EPM2A: variants seen among roughly 807,000 people sequenced by gnomAD.
The protein encoded by EPM2A is laforin.
A neutral mutation model predicts 26.5 loss-of-function variants in EPM2A; 21 were observed. That is an observed-to-expected ratio of 0.79 (90% CI 0.56 to 1.14). The LOEUF (loss-of-function observed/expected upper bound fraction) is 1.14, where lower values mean the gene tolerates loss of function less well. Among genes scored for constraint, EPM2A ranks in the 50% most tolerant of loss-of-function variants. EPM2A has a pLI of 0.00. For missense variants in EPM2A, 458 were observed against 440.8 expected (o/e 1.04, Z -0.35); for synonymous variants, 217 against 177.6 (o/e 1.22, Z -1.76).
chr6:145,603,311 C>G (rs990976527), intron 2 of EPM2A, among the ~76,000 whole-genome samples: 6 of 151,732 alleles, frequency 4.0e-5, no homozygotes, highest in Non-Finnish European at 7.4e-5. Flanking sequence ...AGTAAATGAG[C>G]CTGACCCCTT....
chr6:145,429,728 T>C (rs1192771703), intron 4 of EPM2A, among the ~76,000 whole-genome samples: 1 of 152,242 alleles, frequency 6.6e-6, no homozygotes, highest in East Asian at 1.9e-4. Flanking sequence ...TGATGACTTT[T>C]TTTAAAATTA....
intron 4 of EPM2A, among the ~76,000 whole-genome samples, chr6:145,404,384 T>C (rs1204915372): frequency 6.6e-6 from 1 of 152,106 alleles, no homozygotes; most frequent in East Asian, 1.9e-4. Flanking sequence ...ATACAGGTCT[T>C]TATATACTCG....
intron 2 of EPM2A, among the ~76,000 whole-genome samples, chr6:145,574,021 C>T (rs901063964): frequency 6.6e-6 from 1 of 152,078 alleles, no homozygotes; most frequent in Non-Finnish European, 1.5e-5. Flanking sequence ...CTGGAAGTCT[C>T]CTTGGGGAAG....
chr6:145,425,064 T>C (rs1778835477), intron 4 of EPM2A, among the ~76,000 whole-genome samples: 1 of 151,950 alleles, frequency 6.6e-6, no homozygotes, highest in Non-Finnish European at 1.5e-5. Context: ...ATTGAGATTG[T>C]GTGTGTTTTC....
chr6:145,642,070 G>A (rs1226547269), intron 2 of EPM2A, among the ~76,000 whole-genome samples: 2 of 152,074 alleles, frequency 1.3e-5, no homozygotes, highest in African/African-American at 2.4e-5. Flanking sequence ...TCTATATGCC[G>A]TGTCAATAGA....
chr6:145,646,314 G>A (rs1163720289), intron 2 of EPM2A, among the ~76,000 whole-genome samples: 2 of 151,838 alleles, frequency 1.3e-5, no homozygotes, highest in East Asian at 1.9e-4. Context: ...GTGCCACCAC[G>A]CTTGGCTAAT....
At chr6:145,388,082 T>A (rs1213684598) in intron 4 of EPM2A, among the ~76,000 whole-genome samples, 1 of 152,216 alleles carries the variant, frequency 6.6e-6, no homozygotes, top group African/African-American at 2.4e-5. Context: ...TTTTTAAAAA[T>A]GAAGTAAATA....
At chr6:145,695,095 G>A (rs1173848019) in intron 1 of EPM2A, among the ~76,000 whole-genome samples, 1 of 151,944 alleles carries the variant, frequency 6.6e-6, no homozygotes, top group Non-Finnish European at 1.5e-5. Context: ...AACAACTGTG[G>A]CTTTGATAAA....
chr6:145,578,181 G>A (rs908266346), intron 2 of EPM2A, among the ~76,000 whole-genome samples: 2 of 151,890 alleles, frequency 1.3e-5, no homozygotes, highest in African/African-American at 4.8e-5. Context: ...AGTAGAAGAA[G>A]AGAAATAATA....
At chr6:145,578,660 G>A (rs961182802) in intron 2 of EPM2A, among the ~76,000 whole-genome samples, 1 of 152,152 alleles carries the variant, frequency 6.6e-6, no homozygotes, top group Non-Finnish European at 1.5e-5. Flanking sequence ...TTTAGCAGGA[G>A]GAGAAGTAAA....
chr6:145,435,855 TAGAG>T (rs1176995858), intron 4 of EPM2A, among the ~76,000 whole-genome samples: 1 of 152,174 alleles, frequency 6.6e-6, no homozygotes, highest in Non-Finnish European at 1.5e-5. Context: ...GCTAAAAATA[TAGAG>T]AGTTTTTTAT....
At chr6:145,437,976 C>T (rs1160808948) in intron 4 of EPM2A, among the ~76,000 whole-genome samples, 2 of 152,190 alleles carry the variant, frequency 1.3e-5, no homozygotes, top group Non-Finnish European at 2.9e-5. Context: ...TAGGATAAAA[C>T]ACAAAACTGG....
In EPM2A at chr6:145,715,220, G is replaced by T. The variant is rs1452893451; in HGVS notation, c.301+19978C>A. Among the ~76,000 whole-genome samples the T allele has an allele frequency of 2.6e-5, 4 of 152,270 alleles. No individual in the cohort carries two copies. The East Asian group carries it at 7.7e-4, about 29-fold the overall frequency. ...TCCAGTTCAGGATCAAGGGTGGCCA[G>T]ATTTCATTCCTGCAAGTGCTAGACA... is the stretch of plus-strand genomic sequence containing the variant. On this transcript the variant is annotated intron_variant, in intron 1 of 3. Transcript: ENST00000367519.
At chr6:145,653,587 T>C (rs1778048419) in intron 2 of EPM2A, among the ~76,000 whole-genome samples, 1 of 152,212 alleles carries the variant, frequency 6.6e-6, no homozygotes, top group African/African-American at 2.4e-5. Flanking sequence ...TGCATATGTA[T>C]ATTAGGAAAA....
At chr6:145,495,665 C>T (rs537440496) in intron 4 of EPM2A, among the ~76,000 whole-genome samples, 1 of 152,306 alleles carries the variant, frequency 6.6e-6, no homozygotes, top group South Asian at 2.1e-4. Context: ...GCAACCTCCA[C>T]CTCCTGGGTT....
At chr6:145,581,883 G>A (rs1260299823) in intron 2 of EPM2A, among the ~76,000 whole-genome samples, 1 of 152,186 alleles carries the variant, frequency 6.6e-6, no homozygotes, top group African/African-American at 2.4e-5. Flanking sequence ...AGCATAGTTT[G>A]AAGTCAAGTA....
At chr6:145,450,712 A>G (rs1779185887) in intron 4 of EPM2A, among the ~76,000 whole-genome samples, 1 of 152,106 alleles carries the variant, frequency 6.6e-6, no homozygotes, top group East Asian at 1.9e-4. Flanking sequence ...GTGAACTCTC[A>G]GCATCATCTC....
intron 2 of EPM2A, among the ~76,000 whole-genome samples, chr6:145,530,541 A>G (rs532929672): frequency 2.6e-5 from 4 of 152,184 alleles, no homozygotes; most frequent in African/African-American, 9.6e-5. Flanking sequence ...TCAACTTACT[A>G]CCCACATTAT....
chr6:145,574,802 T>C (rs1781007429), intron 2 of EPM2A, among the ~76,000 whole-genome samples: 1 of 152,234 alleles, frequency 6.6e-6, no homozygotes. Flanking sequence ...CAACATTAAA[T>C]GAAGAGTTCC....
Sources: allele counts gnomAD v4.1 joint callset (sites outside exome capture counted in the v4.1 genomes callset), GRCh38; gene constraint gnomAD v4.1.1; transcripts MANE v1.5; gene names NCBI Gene and HGNC (gene_info 2026-07-23, HGNC 2026-07-21).